The following AGAP1 variants were observed in gnomAD, a reference collection of about 807,000 sequenced individuals.
AGAP1 encodes arf-GAP with GTPase, ANK repeat and PH domain-containing protein 1.
In AGAP1, 29 loss-of-function variants were observed where a neutral mutation model predicts 105.3. The ratio of observed to expected loss-of-function variants is 0.28; its 90% CI spans 0.21 to 0.38. The LOEUF (loss-of-function observed/expected upper bound fraction) is 0.38, where lower values mean the gene tolerates loss of function less well. AGAP1 is among the 10% of genes least tolerant of loss of function. AGAP1 has a pLI of 1.00. For synonymous variants in AGAP1, 509 were observed against 485.9 expected (o/e 1.05, Z -0.63); for missense variants, 998 against 1,165.1 (o/e 0.86, Z 2.09).
Position 236,092,254 on chromosome 2 carries a change from C to T in AGAP1, c.2115-27938C>T, listed in dbSNP as rs1489302327. Among the ~76,000 whole-genome samples the T allele has an allele frequency of 1.3e-5, 2 of 152,154 alleles. No individual in the cohort carries two copies. Among genetic ancestry groups the T allele is most frequent in the Non-Finnish European group, 2.9e-5 (2 of 68,020 alleles). ...AAATACAAATGACCACAAGGAAAATCGGAAATGTGGACAAGCCAGGTGGGT... is the reference window on the plus strand; with the variant it reads ...AAATACAAATGACCACAAGGAAAATTGGAAATGTGGACAAGCCAGGTGGGT... On this transcript the variant is annotated intron_variant, in intron 16 of 17. Transcript: ENST00000304032. The surrounding 1 kb of genome is among the most constrained non-coding windows in gnomAD (Gnocchi z 4.7).
rs192033072 is a variant in AGAP1 at position 235,867,150 on chromosome 2, G to T, written c.1051-16195G>T. On this transcript the variant is annotated intron_variant, in intron 9 of 17. Coordinates refer to ENST00000304032, the MANE Select transcript of AGAP1 (RefSeq NM_001037131.3). This position sits in a 1 kb window ranked among gnomAD's most constrained non-coding sequence, Gnocchi z 5.4. Reference sequence around the variant, plus strand: ...GCAAGAAGGACATTTCAGGGGAAAAGAATTGAATTTGCCAATTTACATTAA... The same window carrying T: ...GCAAGAAGGACATTTCAGGGGAAAATAATTGAATTTGCCAATTTACATTAA... 3.9e-5 allele frequency among the ~76,000 whole-genome samples: 6 copies of T among 152,316 alleles called. No homozygotes were observed. The highest frequency in any genetic ancestry group is 9.6e-5 in the African/African-American group (4 of 41,580).
chr2:236,107,255 C>T (rs1381948597), intron 16 of AGAP1, among the ~76,000 whole-genome samples: 2 of 152,180 alleles, frequency 1.3e-5, no homozygotes, highest in Admixed American at 1.3e-4. Context: ...TGTCCTTGCC[C>T]AGAGAGGCCT....
At chr2:235,722,734 C>A (rs558382301) in intron 3 of AGAP1, among the ~76,000 whole-genome samples, 7 of 152,246 alleles carry the variant, frequency 4.6e-5, no homozygotes, top group African/African-American at 1.7e-4. Flanking sequence ...AACGTATCTT[C>A]TAGGGGATAC....
At chr2:235,583,873 T>TAA (rs538942191) in intron 1 of AGAP1, among the ~76,000 whole-genome samples, 148 of 133,226 alleles carry the variant, frequency 1.1e-3, no homozygotes, top group South Asian at 3.0e-3. Context: ...GATCATGTCT[T>TAA]AAAAAAAAAA....
intron 16 of AGAP1, among the ~76,000 whole-genome samples, chr2:236,108,953 C>A (rs955488397): frequency 5.9e-5 from 9 of 152,144 alleles, no homozygotes; most frequent in Admixed American, 4.6e-4. Flanking sequence ...TCTGGGAATC[C>A]AACCCATTAA....
rs2059174012 is a variant in AGAP1 at position 236,095,642 on chromosome 2, T to C, written c.2115-24550T>C. On this transcript the variant is annotated intron_variant, in intron 16 of 17. Transcript: ENST00000304032. This position sits in a 1 kb window ranked among gnomAD's most constrained non-coding sequence, Gnocchi z 4.1. ...ATAGGCAGTGCTTACAGTGTTGTGG[T>C]AATGTACTTTGATGGAGTCAAGTTT... is the stretch of plus-strand genomic sequence containing the variant. 6.6e-6 allele frequency among the ~76,000 whole-genome samples: 1 copy of C among 152,246 alleles called. No homozygotes were observed. Among genetic ancestry groups the C allele is most frequent in the African/African-American group, 2.4e-5 (1 of 41,470 alleles).
rs1313490508 is a variant in AGAP1 at position 236,109,973 on chromosome 2, C to G, written c.2115-10219C>G. 6.6e-6 allele frequency among the ~76,000 whole-genome samples: 1 copy of G among 152,136 alleles called. No homozygotes were observed. Among genetic ancestry groups the G allele is most frequent in the African/African-American group, 2.4e-5 (1 of 41,444 alleles). Reference sequence around the variant, plus strand: ...GATGCTGTGGATCCACCTAGACTCTCAAAGCCCAGAGAGTCTGGTTGTACA... The same window carrying G: ...GATGCTGTGGATCCACCTAGACTCTGAAAGCCCAGAGAGTCTGGTTGTACA... On this transcript the variant is annotated intron_variant, in intron 16 of 17. Coordinates refer to ENST00000304032, the MANE Select transcript of AGAP1 (RefSeq NM_001037131.3). The surrounding 1 kb of genome is among the most constrained non-coding windows in gnomAD (Gnocchi z 5.4).
At position 235,875,048 on chromosome 2, in the gene AGAP1, C is replaced by T. The variant is rs2106580653; in HGVS notation, c.1051-8297C>T. Among the ~76,000 whole-genome samples the T allele has an allele frequency of 6.6e-6, 1 of 152,204 alleles. No individual in the cohort carries two copies. Among genetic ancestry groups the T allele is most frequent in the Admixed American group, 6.5e-5 (1 of 15,298 alleles). On this transcript the variant is annotated intron_variant, in intron 9 of 17. Transcript: ENST00000304032. This position sits in a 1 kb window ranked among gnomAD's most constrained non-coding sequence, Gnocchi z 4.0. ...GAAGACTGAGTTTTGGGAGAAGAACCCTGGAGGCCAAAGGCAGTATTCCTG... is the reference window on the plus strand; with the variant it reads ...GAAGACTGAGTTTTGGGAGAAGAACTCTGGAGGCCAAAGGCAGTATTCCTG...
intron 1 of AGAP1, among the ~76,000 whole-genome samples, chr2:235,563,822 T>G (rs1312927525): frequency 6.6e-6 from 1 of 152,174 alleles, no homozygotes; most frequent in African/African-American, 2.4e-5. Flanking sequence ...ACTGTTTGAT[T>G]TAATCCTTGT....
At chr2:235,686,556 T>TATATACAC (rs550721460) in intron 1 of AGAP1, among the ~76,000 whole-genome samples, 13 of 101,866 alleles carry the variant, frequency 1.3e-4, no homozygotes, top group African/African-American at 5.3e-4. Flanking sequence ...GATATATATA[T>TATATACAC]ACACACACAC....
intron 12 of AGAP1, among the ~76,000 whole-genome samples, chr2:235,935,744 GC>G (rs1385283337): frequency 2.0e-5 from 3 of 152,204 alleles, no homozygotes; most frequent in Non-Finnish European, 4.4e-5. Flanking sequence ...CTTATTGGAA[GC>G]CTGTAATTTT....
intron 9 of AGAP1, among the ~76,000 whole-genome samples, chr2:235,841,411 T>C (rs1459681005): frequency 6.6e-6 from 1 of 152,146 alleles, no homozygotes; most frequent in Non-Finnish European, 1.5e-5. Flanking sequence ...AGTGGATCCC[T>C]TGACCCCAGG....
rs570717283 is a variant in AGAP1, at chr2:235,961,206, A to G, written c.1484-7256A>G. On this transcript the variant is annotated intron_variant, in intron 12 of 17. Coordinates refer to ENST00000304032, the MANE Select transcript of AGAP1 (RefSeq NM_001037131.3). The surrounding 1 kb of genome is among the most constrained non-coding windows in gnomAD (Gnocchi z 5.9). ...CCCCATGTGGAGAGAGCCACGGAGC[A>G]CAGGGGGCCGGGAGGGGCTGGATGC... Among the ~76,000 whole-genome samples the G allele has an allele frequency of 3.3e-5, 5 of 152,350 alleles. No individual in the cohort carries two copies. In the East Asian group the frequency reaches 9.7e-4, roughly 29 times the overall value.
chr2:235,606,808 G>A (rs1274511524), intron 1 of AGAP1, among the ~76,000 whole-genome samples: 1 of 152,006 alleles, frequency 6.6e-6, no homozygotes, highest in African/African-American at 2.4e-5. Context: ...AATTAGCCTG[G>A]CATGGTGGCG....
chr2:236,019,938 C>G (rs1307287325), intron 13 of AGAP1, among the ~76,000 whole-genome samples: 1 of 152,230 alleles, frequency 6.6e-6, no homozygotes, highest in Non-Finnish European at 1.5e-5. Flanking sequence ...CTTCCAGAAC[C>G]TGCTCTCTGC....
intron 1 of AGAP1, among the ~76,000 whole-genome samples, chr2:235,572,727 A>ATT (rs779533129): frequency 2.0e-5 from 3 of 152,210 alleles, no homozygotes; most frequent in Admixed American, 1.3e-4. Flanking sequence ...AGCTGCCCTT[A>ATT]GAGTCTTCCT....
rs1196012392 is a variant in AGAP1, at chr2:235,690,827, C to T, written c.164-18352C>T. On this transcript the variant is annotated intron_variant, in intron 1 of 17. Transcript: ENST00000304032. The surrounding 1 kb of genome is among the most constrained non-coding windows in gnomAD (Gnocchi z 4.1). ...TGATTTATTTATTTTTTTCTCCAGT[C>T]TAGTCATAGTATTGGTTTCGAGAAG... is the stretch of plus-strand genomic sequence containing the variant. 6.6e-6 allele frequency among the ~76,000 whole-genome samples: 1 copy of T among 152,050 alleles called. No homozygotes were observed. The highest frequency in any genetic ancestry group is 1.9e-4 in the East Asian group (1 of 5,170).
chr2:235,861,422 T>C (rs372297495), intron 9 of AGAP1, among the ~76,000 whole-genome samples: 3 of 152,328 alleles, frequency 2.0e-5, no homozygotes, highest in African/African-American at 7.2e-5. Flanking sequence ...CATTGAAATC[T>C]ACTCCCTCAT....
At chr2:235,871,876 A>G (rs987350267) in intron 9 of AGAP1, among the ~76,000 whole-genome samples, 2 of 152,146 alleles carry the variant, frequency 1.3e-5, no homozygotes, top group African/African-American at 4.8e-5. Context: ...GCCCAGGGTC[A>G]GTGTGGGAGG....
Sources: gnomAD v4.1 joint callset for allele counts (sites outside exome capture counted in the v4.1 genomes callset) on GRCh38, gnomAD v4.1.1 for gene constraint, Gnocchi (gnomAD v3.1) non-coding constraint, MANE v1.5 for transcripts, NCBI Gene and HGNC (gene_info 2026-07-23, HGNC 2026-07-21) for gene names.